SPEN: variants seen among roughly 807,000 people sequenced by gnomAD.
SPEN encodes the protein msx2-interacting protein.
SPEN carries 18 observed loss-of-function variants against 269.9 expected under a neutral mutation model. The observed-to-expected ratio is 0.07, with a 90% CI of 0.05 to 0.10. The LOEUF (loss-of-function observed/expected upper bound fraction) is 0.10. SPEN is among the 10% of genes least tolerant of loss of function. The pLI is 1.00. For synonymous variants in SPEN, 1,726 were observed against 1,765.7 expected (o/e 0.98, Z 0.56); for missense variants, 3,822 against 4,631.2 (o/e 0.83, Z 5.07).
At chr1:15,910,124 TA>T (rs57198076) in intron 4 of SPEN, among the ~76,000 whole-genome samples, 13,320 of 65,608 alleles carry the variant, frequency 0.2, 751 homozygotes, top group Admixed American at 0.28. Flanking sequence ...ACTCTGTCTC[TA>T]AAAAAAAAAA....
intron 3 of SPEN, among the ~76,000 whole-genome samples, chr1:15,889,540 G>A (rs1381670459): frequency 6.6e-6 from 1 of 152,106 alleles, no homozygotes; most frequent in Non-Finnish European, 1.5e-5. Flanking sequence ...ATCAATCTGT[G>A]TCTTAGAGTA....
rs563657576 is a variant in SPEN, at chr1:15,854,906, C to G, written c.83+6756C>G. 1.2e-4 allele frequency among the ~76,000 whole-genome samples: 19 copies of G among 152,240 alleles called. No individual in the cohort carries two copies. In the South Asian group the frequency reaches 3.9e-3, roughly 32 times the overall value. ...CTCAATATTCAGATTGTTCTCCCTA[C>G]ATGTATTCCTGTCTGCCAAGTTGAA... is the stretch of plus-strand genomic sequence containing the variant. On this transcript the variant is annotated intron_variant, in intron 1 of 14. Coordinates refer to ENST00000375759, the MANE Select transcript of SPEN (RefSeq NM_015001.3).
At position 15,876,210 on chromosome 1, in the gene SPEN, A is replaced by G; in HGVS notation, c.413A>G (p.Asp138Gly). 1.2e-6 allele frequency: 2 copies of G among 1,609,410 alleles called. No homozygotes were observed. Among genetic ancestry groups the G allele is most frequent in the Non-Finnish European group, 1.7e-6 (2 of 1,176,024 alleles). ...CCCCCTCCTAAATGCAGGGCTTCAG[A>G]TAACAGGGAGCGTGCTTATGAACAT... Reference protein sequence around the residue: ...RYERRLDGASDNRERAYEHSA... With the variant: ...RYERRLDGASGNRERAYEHSA... Residue 138 changes from aspartate to glycine, a missense_variant, in exon 3 of 15, where the codon GAT becomes GGT. By Grantham distance (94) the Asp-to-Gly change is moderately conservative. Coordinates refer to ENST00000375759, the MANE Select transcript of SPEN (RefSeq NM_015001.3).
chr1:15,864,561 A>C (rs1268756885), intron 1 of SPEN, among the ~76,000 whole-genome samples: 1 of 147,664 alleles, frequency 6.8e-6, no homozygotes, highest in African/African-American at 2.5e-5. Flanking sequence ...ATGTATGATA[A>C]ATTTTTGTGA....
chr1:15,858,017 A>G (rs1304078018), intron 1 of SPEN, among the ~76,000 whole-genome samples: 3 of 152,166 alleles, frequency 2.0e-5, no homozygotes, highest in African/African-American at 7.2e-5. Flanking sequence ...AATCCCAGCT[A>G]CTTGGGAAGC....
chr1:15,896,893 A>G lies in SPEN; in HGVS notation c.882-12428A>G, dbSNP rs180840361. On this transcript the variant is annotated intron_variant, in intron 3 of 14. Transcript: ENST00000375759. Reference sequence around the variant, plus strand: ...TGAGGTGGGAGGATTGCTTGAGCCCAGGAGGTTGAGGCTGCAGTGAGCCAT... The same window carrying G: ...TGAGGTGGGAGGATTGCTTGAGCCCGGGAGGTTGAGGCTGCAGTGAGCCAT... 3.1e-3 allele frequency among the ~76,000 whole-genome samples: 478 copies of G among 152,212 alleles called. 2 individuals carry two copies. The highest frequency in any genetic ancestry group is 0.011 in the African/African-American group (457 of 41,550).
intron 3 of SPEN, among the ~76,000 whole-genome samples, chr1:15,886,492 C>G (rs1346340486): frequency 6.6e-6 from 1 of 152,160 alleles, no homozygotes; most frequent in Non-Finnish European, 1.5e-5. Flanking sequence ...GCGCAGGGAC[C>G]CGGCTGCTGC....
chr1:15,870,435 T>A (rs2070561637), intron 1 of SPEN, among the ~76,000 whole-genome samples: 1 of 152,136 alleles, frequency 6.6e-6, no homozygotes, highest in Non-Finnish European at 1.5e-5. Flanking sequence ...GGGATCTCAT[T>A]CCCTGGAAAT....
At chr1:15,850,524 G>C (rs373983557) in intron 1 of SPEN, among the ~76,000 whole-genome samples, 13 of 151,888 alleles carry the variant, frequency 8.6e-5, no homozygotes, top group African/African-American at 3.1e-4. Flanking sequence ...GGAATTCCCA[G>C]TTGCCACACT....
chr1:15,895,454 A>G (rs2070833200), intron 3 of SPEN, among the ~76,000 whole-genome samples: 1 of 152,178 alleles, frequency 6.6e-6, no homozygotes, highest in African/African-American at 2.4e-5. Context: ...TTCACTTAGC[A>G]TAATATTTTC....
chr1:15,887,283 T>TTG (rs2070746088), intron 3 of SPEN, among the ~76,000 whole-genome samples: 2 of 139,216 alleles, frequency 1.4e-5, no homozygotes, highest in South Asian at 4.8e-4. Context: ...TGAATTTTTT[T>TTG]TTTTTTTTTT....
chr1:15,926,569 T>C (rs903729244), intron 10 of SPEN, among the ~76,000 whole-genome samples: 2 of 152,104 alleles, frequency 1.3e-5, no homozygotes, highest in African/African-American at 4.8e-5. Flanking sequence ...TTTGATATAT[T>C]TTTCTAAAGT....
At chr1:15,856,833 G>T (rs72649624) in intron 1 of SPEN, among the ~76,000 whole-genome samples, 171 of 152,154 alleles carry the variant, frequency 1.1e-3, no homozygotes, top group Non-Finnish European at 1.7e-3. Context: ...TTTACAATGT[G>T]CTGGGATTAC....
At chr1:15,875,619 A>G (rs2070623754) in intron 2 of SPEN, among the ~76,000 whole-genome samples, 1 of 151,998 alleles carries the variant, frequency 6.6e-6, no homozygotes, top group African/African-American at 2.4e-5. Flanking sequence ...TATGTAGTCT[A>G]GTTTATGTAG....
At chr1:15,926,582 A>G (rs1254832321) in intron 10 of SPEN, among the ~76,000 whole-genome samples, 2 of 152,026 alleles carry the variant, frequency 1.3e-5, no homozygotes, top group South Asian at 2.1e-4. Flanking sequence ...TCTAAAGTTC[A>G]TTCTTTCAAC....
intron 3 of SPEN, among the ~76,000 whole-genome samples, chr1:15,902,574 C>T (rs2070912635): frequency 1.3e-5 from 2 of 152,102 alleles, no homozygotes; most frequent in South Asian, 4.1e-4. Flanking sequence ...CTTTTGGAGG[C>T]CGAGGTGGGA....
rs149954308 is a variant in SPEN at position 15,928,150 on chromosome 1, G to A, written c.1910G>A (p.Arg637Gln). 132 of 1,614,116 alleles carry A rather than the reference G, an allele frequency of 8.2e-5. 7 individuals are homozygous for A. In the South Asian group the frequency reaches 1.2e-3, roughly 14 times the overall value. ...GATCGTACATATTATGAGAGTGTTC[G>A]AACTCCAGGCACTTATCCTGAGGAT... Reference protein sequence around the residue: ...NQDRTYYESVRTPGTYPEDSR... With the variant: ...NQDRTYYESVQTPGTYPEDSR... The change falls in exon 11 of 15, where the codon CGA becomes CAA. Residue 637 changes from arginine (R) to glutamine (Q), a missense_variant. Physicochemically the swap from Arg to Gln is conservative, Grantham distance 43. Transcript: ENST00000375759. The surrounding 1 kb of genome is among the most constrained non-coding windows in gnomAD (Gnocchi z 5.7).
Position 15,876,801 on chromosome 1 carries a change from A to T in SPEN, c.881+123A>T, listed in dbSNP as rs982980852. The T allele has an allele frequency of 7.0e-5, 55 of 786,286 alleles. No homozygotes were observed. The Middle Eastern group carries it at 1.2e-3, about 17-fold the overall frequency. 48.7% of individuals were successfully genotyped at this position (786,286 alleles called of 1,614,324 possible). On this transcript the variant is annotated intron_variant, in intron 3 of 14. Transcript: ENST00000375759. Reference sequence around the variant, plus strand: ...TAATCTTGGATCATATATGTATGTAATCAGTAAAGAAACTGGCATGTGGCC... The same window carrying T: ...TAATCTTGGATCATATATGTATGTATTCAGTAAAGAAACTGGCATGTGGCC...
chr1:15,861,424 C>A (rs1291365904), intron 1 of SPEN, among the ~76,000 whole-genome samples: 1 of 152,086 alleles, frequency 6.6e-6, no homozygotes, highest in Non-Finnish European at 1.5e-5. Context: ...GCCAGCGTGC[C>A]TGGCCCAGAT....
Sources: gnomAD v4.1 joint callset for allele counts (sites outside exome capture counted in the v4.1 genomes callset) on GRCh38, gnomAD v4.1.1 for gene constraint, Gnocchi (gnomAD v3.1) non-coding constraint, MANE v1.5 for transcripts, NCBI Gene and HGNC (gene_info 2026-07-23, HGNC 2026-07-21) for gene names.